The following PAPSS1 variants were observed in gnomAD, a reference collection of about 807,000 sequenced individuals.
The protein encoded by PAPSS1 is bifunctional 3'-phosphoadenosine 5'-phosphosulfate synthase 1.
Under a neutral mutation model 72.0 loss-of-function variants are expected in PAPSS1, and 50 were observed. That is an observed-to-expected ratio of 0.69 (90% CI 0.55 to 0.88). The LOEUF (loss-of-function observed/expected upper bound fraction) is 0.88, where lower values mean the gene tolerates loss of function less well. PAPSS1 is among the 40% of genes least tolerant of loss of function. PAPSS1 has a pLI of 0.00. For missense variants in PAPSS1, 657 were observed against 782.2 expected (o/e 0.84, Z 1.91); for synonymous variants, 261 against 263.6 (o/e 0.99, Z 0.09).
chr4:107,713,632 C>T (rs143450938), intron 1 of PAPSS1, among the ~76,000 whole-genome samples: 375 of 152,066 alleles, frequency 2.5e-3, no homozygotes, highest in African/African-American at 8.7e-3. Context: ...TTGGTGCACA[C>T]CTGTAGTCCC....
intron 8 of PAPSS1, among the ~76,000 whole-genome samples, chr4:107,654,216 A>C (rs1578400636): frequency 6.6e-6 from 1 of 152,148 alleles, no homozygotes; most frequent in Non-Finnish European, 1.5e-5. Flanking sequence ...AACACACCTA[A>C]CAACTGACAG....
In PAPSS1 at chr4:107,614,461, C is replaced by T. The variant is rs1023746356; in HGVS notation, c.1737-74G>A. 12 of 1,155,702 alleles carry T rather than the reference C, an allele frequency of 1.0e-5. No individual in the cohort carries two copies. The African/African-American group carries it at 1.9e-4, about 18-fold the overall frequency. The allele number at this position is 1,155,702 out of a possible 1,614,324, so 71.6% of individuals were successfully genotyped here. ...GATTTTTAAAAAGCATTTGTTCCTT[C>T]TGTTCATATTAGACAAACTTAATGA... On this transcript the variant is annotated intron_variant, in intron 11 of 11. Coordinates refer to ENST00000265174, the MANE Select transcript of PAPSS1 (RefSeq NM_005443.5).
chr4:107,630,360 G>T (rs6842485), intron 11 of PAPSS1, among the ~76,000 whole-genome samples: 36,598 of 152,136 alleles, frequency 0.24, 4,430 homozygotes, highest in East Asian at 0.37. Flanking sequence ...TGTCAGGGGA[G>T]GAACCTGGTG....
In PAPSS1 at chr4:107,644,790, C is replaced by A. The variant is rs36081672; in HGVS notation, c.1506+12G>T. ...TAACACTGCTGCAGTGAAAATCTTA[C>A]AAGCAGTCTACCTCAGTTGGTCCAG... is the stretch of plus-strand genomic sequence containing the variant. On this transcript the variant is annotated intron_variant, in intron 10 of 11. Transcript: ENST00000265174. The A allele has an allele frequency of 2.1e-4, 330 of 1,595,588 alleles. 1 individual carries two copies. In the African/African-American group the frequency reaches 3.8e-3, roughly 18 times the overall value.
At chr4:107,617,140 C>T (rs1470654629) in intron 11 of PAPSS1, among the ~76,000 whole-genome samples, 1 of 151,036 alleles carries the variant, frequency 6.6e-6, no homozygotes, top group Non-Finnish European at 1.5e-5. Context: ...CTGGTTTCCT[C>T]TGTTTGATGT....
chr4:107,710,020 C>T (rs933231585), intron 1 of PAPSS1, among the ~76,000 whole-genome samples: 6 of 152,304 alleles, frequency 3.9e-5, no homozygotes, highest in African/African-American at 1.4e-4. Flanking sequence ...TTTTTAGACT[C>T]CACAGCCACT....
intron 10 of PAPSS1, among the ~76,000 whole-genome samples, chr4:107,642,204 A>G (rs1008454654): frequency 2.0e-5 from 3 of 152,166 alleles, no homozygotes; most frequent in Admixed American, 2.0e-4. Context: ...CTTATAGGAT[A>G]TTATAAGAAT....
chr4:107,638,801 T>C (rs554896692), intron 10 of PAPSS1, among the ~76,000 whole-genome samples: 1 of 152,322 alleles, frequency 6.6e-6, no homozygotes, highest in South Asian at 2.1e-4. Context: ...TACCAGTCAC[T>C]GTACAAAATG....
At chr4:107,615,084 G>C (rs1725785537) in intron 11 of PAPSS1, among the ~76,000 whole-genome samples, 1 of 98,822 alleles carries the variant, frequency 1.0e-5, no homozygotes, top group Non-Finnish European at 2.4e-5. Flanking sequence ...GAGTAAAATT[G>C]AATTTTTTTT....
At chr4:107,631,915 A>C in intron 10 of PAPSS1, 55 bp from the exon 11 acceptor site, 1 of 1,083,506 alleles carries the variant, frequency 9.2e-7, no homozygotes, top group Non-Finnish European at 1.4e-6. Flanking sequence ...TGTACTTAGA[A>C]ATAGTAAGTG....
In PAPSS1 at chr4:107,693,826, A is replaced by G; in HGVS notation, c.356T>C (p.Leu119Pro). 1 of 1,613,976 alleles carries G rather than the reference A, an allele frequency of 6.2e-7. No homozygotes were observed. The highest frequency in any genetic ancestry group is 8.5e-7 in the Non-Finnish European group (1 of 1,179,878). ...NVRRIAEVAKLFADAGLVCIT... is the reference protein window; with the variant it reads ...NVRRIAEVAKPFADAGLVCIT... Reference sequence around the variant, plus strand: ...GCACACTAAGCCAGCATCTGCAAACAGTTTAGCAACTTCTGCGATGCGTCG... The same window carrying G: ...GCACACTAAGCCAGCATCTGCAAACGGTTTAGCAACTTCTGCGATGCGTCG... Residue 119 changes from leucine (L) to proline (P), a missense_variant, in exon 3 of 12, where the codon CTG becomes CCG. By Grantham distance (98) the Leu-to-Pro change is moderately conservative. This residue lies in a region of PAPSS1 where 119 missense variants were observed against 171.1 expected (regional missense o/e 0.70). Transcript: ENST00000265174.
At chr4:107,704,325 T>A (rs1316730766) in intron 1 of PAPSS1, among the ~76,000 whole-genome samples, 1 of 152,220 alleles carries the variant, frequency 6.6e-6, no homozygotes, top group Non-Finnish European at 1.5e-5. Context: ...CCAATTTGGA[T>A]GCCTTTTATT....
At chr4:107,715,954 C>G (rs750193356) in intron 1 of PAPSS1, among the ~76,000 whole-genome samples, 3 of 152,122 alleles carry the variant, frequency 2.0e-5, no homozygotes, top group Non-Finnish European at 4.4e-5. Context: ...AAATAATGTT[C>G]CCAAGATCAC....
At chr4:107,658,244 A>G (rs904881482) in intron 6 of PAPSS1, among the ~76,000 whole-genome samples, 2 of 151,762 alleles carry the variant, frequency 1.3e-5, no homozygotes, top group African/African-American at 4.8e-5. Context: ...ATTCTAAAAA[A>G]AAAAGGTGTA....
chr4:107,661,573 A>C (rs1056817192), intron 5 of PAPSS1, among the ~76,000 whole-genome samples: 8 of 152,340 alleles, frequency 5.3e-5, no homozygotes, highest in Admixed American at 5.2e-4. Flanking sequence ...GAAAATAGCC[A>C]ATCTGAAAAG....
At chr4:107,642,157 T>A (rs919713894) in intron 10 of PAPSS1, among the ~76,000 whole-genome samples, 5 of 152,186 alleles carry the variant, frequency 3.3e-5, no homozygotes, top group Non-Finnish European at 7.3e-5. Flanking sequence ...CTCTAACGAA[T>A]GTTGCCAGGG....
chr4:107,659,915 T>C, intron 6 of PAPSS1, 44 bp downstream of exon 6: 1 of 1,056,590 alleles, frequency 9.5e-7, no homozygotes, highest in Non-Finnish European at 1.5e-6. Flanking sequence ...AACTACTGTA[T>C]ATAAGGCTGT....
intron 7 of PAPSS1, among the ~76,000 whole-genome samples, chr4:107,656,515 C>CA (rs58386912): frequency 0.22 from 33,394 of 151,948 alleles, 3,720 homozygotes; most frequent in East Asian, 0.37. Context: ...TAAGACTCCA[C>CA]AATTCCTCAT....
chr4:107,653,715 A>G (rs1726921417), intron 8 of PAPSS1, 89 bp from the exon 9 acceptor site: 1 of 993,306 alleles, frequency 1.0e-6, no homozygotes, highest in Non-Finnish European at 1.4e-6. Context: ...CAGTCGTTGT[A>G]AGCTACTCTC....
Sources: allele counts gnomAD v4.1 joint callset (sites outside exome capture counted in the v4.1 genomes callset), GRCh38; gene constraint gnomAD v4.1.1; regional missense constraint gnomAD v4.1.1; transcripts MANE v1.5; gene names NCBI Gene and HGNC (gene_info 2026-07-23, HGNC 2026-07-21).